CLSTN2: variants seen among roughly 807,000 people sequenced by gnomAD.
The protein encoded by CLSTN2 is calsyntenin 2, also known as calsyntenin-2.
In CLSTN2, 48 loss-of-function variants were observed where a neutral mutation model predicts 101.2. The observed-to-expected ratio is 0.47, with a 90% CI of 0.38 to 0.60. CLSTN2 has a LOEUF of 0.60. CLSTN2 is among the 20% of genes least tolerant of loss of function. The probability of loss-of-function intolerance (pLI) is 0.00; values close to 1 mark genes in which losing one functional copy is unlikely to be tolerated. For missense variants in CLSTN2, 1,160 were observed against 1,238.2 expected (o/e 0.94, Z 0.95); for synonymous variants, 481 against 463.6 (o/e 1.04, Z -0.48).
chr3:139,971,760 C>A (rs1209355018), intron 1 of CLSTN2, among the ~76,000 whole-genome samples: 1 of 152,186 alleles, frequency 6.6e-6, no homozygotes. Context: ...GACAGATCTT[C>A]CTTAATCAGC....
At chr3:140,174,623 T>C (rs1323661437) in intron 1 of CLSTN2, among the ~76,000 whole-genome samples, 5 of 152,178 alleles carry the variant, frequency 3.3e-5, no homozygotes, top group Non-Finnish European at 7.4e-5. Context: ...CTTACCATCC[T>C]GTCTTACATG....
At chr3:140,043,545 A>C (rs1303123854) in intron 1 of CLSTN2, among the ~76,000 whole-genome samples, 1 of 152,128 alleles carries the variant, frequency 6.6e-6, no homozygotes, top group East Asian at 1.9e-4. Flanking sequence ...CCCATTTGCC[A>C]ATTTTGGCTT....
At chr3:139,974,769 T>C (rs1935787059) in intron 1 of CLSTN2, among the ~76,000 whole-genome samples, 1 of 152,230 alleles carries the variant, frequency 6.6e-6, no homozygotes, top group Non-Finnish European at 1.5e-5. Context: ...AATCCATTGC[T>C]GGTTCCCTAC....
chr3:140,478,831 G>A (rs1934047577), intron 8 of CLSTN2, among the ~76,000 whole-genome samples: 1 of 149,180 alleles, frequency 6.7e-6, no homozygotes, highest in Admixed American at 6.8e-5. Context: ...GGGAGGGATG[G>A]AAGAGGGAGA....
At chr3:140,053,634 G>C (rs1190948545) in intron 1 of CLSTN2, among the ~76,000 whole-genome samples, 1 of 152,154 alleles carries the variant, frequency 6.6e-6, no homozygotes, top group African/African-American at 2.4e-5. Context: ...TCTGCTCTCT[G>C]TCTTCCCCAT....
chr3:140,388,270 G>T (rs901254558), intron 2 of CLSTN2, among the ~76,000 whole-genome samples: 1 of 152,236 alleles, frequency 6.6e-6, no homozygotes, highest in African/African-American at 2.4e-5. Flanking sequence ...AAATGAGCAA[G>T]TTAGACTCAC....
chr3:140,489,937 C>T (rs868555553), intron 8 of CLSTN2, among the ~76,000 whole-genome samples: 2 of 146,848 alleles, frequency 1.4e-5, no homozygotes, highest in Non-Finnish European at 3.0e-5. Context: ...AGGTACAGGT[C>T]GTTAGTCTAT....
At chr3:140,357,570 G>A (rs573582969) in intron 2 of CLSTN2, among the ~76,000 whole-genome samples, 12 of 152,192 alleles carry the variant, frequency 7.9e-5, no homozygotes, top group East Asian at 3.9e-4. Flanking sequence ...TTTAGCACTC[G>A]CCCTGTTGAC....
chr3:140,158,629 T>G (rs1205006078), intron 1 of CLSTN2, among the ~76,000 whole-genome samples: 1 of 152,080 alleles, frequency 6.6e-6, no homozygotes, highest in Non-Finnish European at 1.5e-5. Context: ...GAAAACAGTT[T>G]ACAACACTAT....
At chr3:140,429,697 AC>A (rs1437492725) in intron 5 of CLSTN2, among the ~76,000 whole-genome samples, 2 of 152,166 alleles carry the variant, frequency 1.3e-5, no homozygotes, top group African/African-American at 4.8e-5. Context: ...GGGGAGGGAG[AC>A]CAGCAGAAAA....
At chr3:139,966,528 C>T (rs1935601230) in intron 1 of CLSTN2, among the ~76,000 whole-genome samples, 1 of 152,140 alleles carries the variant, frequency 6.6e-6, no homozygotes, top group Non-Finnish European at 1.5e-5. Context: ...AATCCTTATT[C>T]ATCTTTTCAG....
chr3:140,266,645 T>G (rs1344866911), intron 2 of CLSTN2, among the ~76,000 whole-genome samples: 1 of 152,172 alleles, frequency 6.6e-6, no homozygotes, highest in African/African-American at 2.4e-5. Flanking sequence ...TGCCTGAATT[T>G]CCACTGGTAT....
chr3:140,532,009 G>A (rs1279004743), intron 8 of CLSTN2, among the ~76,000 whole-genome samples: 1 of 152,136 alleles, frequency 6.6e-6, no homozygotes, highest in African/African-American at 2.4e-5. Flanking sequence ...CCTGTACTGA[G>A]TCCAGGCCAG....
intron 2 of CLSTN2, among the ~76,000 whole-genome samples, chr3:140,394,474 C>T (rs2088157762): frequency 6.6e-6 from 1 of 152,180 alleles, no homozygotes; most frequent in South Asian, 2.1e-4. Context: ...AAACTCCTTC[C>T]TTCTTACAGC....
intron 2 of CLSTN2, among the ~76,000 whole-genome samples, chr3:140,262,251 A>G (rs374963132): frequency 6.6e-6 from 1 of 152,326 alleles, no homozygotes; most frequent in Admixed American, 6.5e-5. Context: ...TTGGCAATCA[A>G]GCTCAGCATG....
rs1309270372 is a variant in CLSTN2 at position 140,576,732 on chromosome 3, C to T, written c.*10479C>T. The T allele has an allele frequency of 6.6e-6, 1 of 152,258 alleles. No homozygotes were observed. Among genetic ancestry groups the T allele is most frequent in the African/African-American group, 2.4e-5 (1 of 41,466 alleles). 9.4% of individuals were successfully genotyped at this position (152,258 alleles called of 1,614,324 possible). ...TACTGCCAGTCTGGCCGGTGTCTCC[C>T]ACAGTGGATGGCTTTGCCTCCAGCG... On this transcript the variant is annotated 3_prime_UTR_variant, in exon 17 of 17. Transcript: ENST00000458420.
chr3:140,299,113 A>T (rs2087030148), intron 2 of CLSTN2, among the ~76,000 whole-genome samples: 1 of 152,138 alleles, frequency 6.6e-6, no homozygotes, highest in Non-Finnish European at 1.5e-5. Flanking sequence ...GCCCAGTGTC[A>T]AGTGCTCCCT....
chr3:139,936,711 T>C (rs1225375577), intron 1 of CLSTN2, among the ~76,000 whole-genome samples: 2 of 152,236 alleles, frequency 1.3e-5, no homozygotes, highest in Non-Finnish European at 2.9e-5. Flanking sequence ...GCAGTTCGCC[T>C]TGTCTGGGCT....
intron 1 of CLSTN2, among the ~76,000 whole-genome samples, chr3:139,951,887 A>C (rs1935301638): frequency 6.6e-6 from 1 of 152,122 alleles, no homozygotes; most frequent in South Asian, 2.1e-4. Context: ...CTCTTGGATA[A>C]AAATTATTCC....
Sources: gnomAD v4.1 joint callset for allele counts (sites outside exome capture counted in the v4.1 genomes callset) on GRCh38, gnomAD v4.1.1 for gene constraint, MANE v1.5 for transcripts, NCBI Gene and HGNC (gene_info 2026-07-23, HGNC 2026-07-21) for gene names.